ESCO1: variants seen among roughly 807,000 people sequenced by gnomAD.
ESCO1 encodes the protein N-acetyltransferase ESCO1.
ESCO1 carries 33 observed loss-of-function variants against 83.5 expected under a neutral mutation model. The observed-to-expected ratio is 0.40, with a 90% CI of 0.30 to 0.53. The LOEUF is 0.53. Ranked by LOEUF, ESCO1 falls within the 20% of genes least tolerant of loss-of-function variation. The probability of loss-of-function intolerance (pLI) is 0.63; values close to 1 mark genes in which losing one functional copy is unlikely to be tolerated. For synonymous variants in ESCO1, 332 were observed against 324.3 expected (o/e 1.02, Z -0.25); for missense variants, 855 against 968.0 (o/e 0.88, Z 1.55).
At chr18:21,597,934 T>C (rs1241314220) in intron 1 of ESCO1, among the ~76,000 whole-genome samples, 1 of 152,106 alleles carries the variant, frequency 6.6e-6, no homozygotes, top group Non-Finnish European at 1.5e-5. Context: ...CAAAAGTAAC[T>C]ACAGTATTAT....
chr18:21,562,014 G>A (rs1482052549), intron 7 of ESCO1, among the ~76,000 whole-genome samples: 2 of 151,906 alleles, frequency 1.3e-5, no homozygotes, highest in African/African-American at 4.8e-5. Flanking sequence ...GAGTAGACGG[G>A]ATTACAGGCA....
chr18:21,553,751 G>A (rs1213366548), intron 8 of ESCO1, among the ~76,000 whole-genome samples: 1 of 151,554 alleles, frequency 6.6e-6, no homozygotes, highest in Non-Finnish European at 1.5e-5. Flanking sequence ...CAGCTACTCG[G>A]GAGGCTGAGG....
intron 2 of ESCO1, among the ~76,000 whole-genome samples, chr18:21,577,563 G>A (rs1388849484): frequency 8.6e-5 from 13 of 151,290 alleles, no homozygotes; most frequent in African/African-American, 2.7e-4. Context: ...GGGAGGCTGA[G>A]GCAGGAGAAT....
Position 21,564,242 on chromosome 18 carries a change from T to A in ESCO1, c.1782A>T (p.Leu594=). 1 of 1,610,816 alleles carries A rather than the reference T, an allele frequency of 6.2e-7. No homozygotes were observed. The highest frequency in any genetic ancestry group is 8.5e-7 in the Non-Finnish European group (1 of 1,178,312). ...LEITIPKDLK[L]KEAEKTDEKQ... Reference sequence around the variant, plus strand: ...TTTCATCAGTTTTCTCTGCTTCTTTTAGTTTCAAGTCCTTTGGAATTGTTA... The same window carrying A: ...TTTCATCAGTTTTCTCTGCTTCTTTAAGTTTCAAGTCCTTTGGAATTGTTA... Residue 594 remains leucine (L), a synonymous_variant, in exon 7 of 12, where the codon CTA becomes CTT. Coordinates refer to ENST00000269214, the MANE Select transcript of ESCO1 (RefSeq NM_052911.3).
intron 2 of ESCO1, among the ~76,000 whole-genome samples, chr18:21,583,348 A>C (rs2146222483): frequency 6.6e-6 from 1 of 151,664 alleles, no homozygotes; most frequent in East Asian, 1.9e-4. Context: ...AAAAAAAAGA[A>C]AAAAAAAATT....
At position 21,537,374 on chromosome 18, in the gene ESCO1, A is replaced by T. The variant is rs534246978; in HGVS notation, c.2044-1189T>A. On this transcript the variant is annotated intron_variant, in intron 9 of 11. Coordinates refer to ENST00000269214, the MANE Select transcript of ESCO1 (RefSeq NM_052911.3). ...GCAACACAGCAGAACCCATCTTTAC[A>T]AAATTGTTTTATTAGCCAGATGTGG... 4.6e-5 allele frequency among the ~76,000 whole-genome samples: 7 copies of T among 152,284 alleles called. No individual in the cohort carries two copies. In the South Asian group the frequency reaches 1.4e-3, roughly 32 times the overall value.
Position 21,575,768 on chromosome 18 carries a change from C to G in ESCO1, c.-684G>C. 2.5e-6 allele frequency: 1 copy of G among 398,148 alleles called. No homozygotes were observed. The highest frequency in any genetic ancestry group is 2.1e-5 in the African/African-American group (1 of 48,708). The allele number at this position is 398,148 out of a possible 1,614,324, so 24.7% of individuals were successfully genotyped here. Reference sequence around the variant, plus strand: ...TCCTTCTAATATGCTCTTAACACATCACACAGCACCTGAAAGAAAAAGGGT... The same window carrying G: ...TCCTTCTAATATGCTCTTAACACATGACACAGCACCTGAAAGAAAAAGGGT... On this transcript the variant is annotated 5_prime_UTR_variant, in exon 3 of 12. Transcript: ENST00000269214.
chr18:21,544,217 T>G (rs1405344230), intron 8 of ESCO1, among the ~76,000 whole-genome samples: 1 of 151,792 alleles, frequency 6.6e-6, no homozygotes, highest in Non-Finnish European at 1.5e-5. Context: ...GAGGTTGCAG[T>G]GAGCCGAGAT....
intron 9 of ESCO1, among the ~76,000 whole-genome samples, chr18:21,536,687 G>A (rs1233945828): frequency 2.6e-5 from 4 of 152,048 alleles, no homozygotes; most frequent in Non-Finnish European, 5.9e-5. Flanking sequence ...AGGAAGAACT[G>A]GAGGGGGATG....
chr18:21,530,854 C>T (rs1364739330), intron 11 of ESCO1, among the ~76,000 whole-genome samples: 1 of 152,112 alleles, frequency 6.6e-6, no homozygotes, highest in Non-Finnish European at 1.5e-5. Context: ...GAAGACTACT[C>T]TCACCTCTTC....
intron 4 of ESCO1, among the ~76,000 whole-genome samples, chr18:21,570,042 CAGT>C (rs1349428673): frequency 6.6e-6 from 1 of 152,148 alleles, no homozygotes; most frequent in African/African-American, 2.4e-5. Context: ...CACTCTGTGA[CAGT>C]GGTCAAAATG....
At chr18:21,592,116 C>T (rs1353655758) in intron 1 of ESCO1, among the ~76,000 whole-genome samples, 1 of 149,942 alleles carries the variant, frequency 6.7e-6, no homozygotes, top group Non-Finnish European at 1.5e-5. Flanking sequence ...ATCTTTTCCC[C>T]ACCTTTCCCG....
chr18:21,593,448 G>C (rs1301169146), intron 1 of ESCO1: 2 of 153,324 alleles, frequency 1.3e-5, no homozygotes, highest in African/African-American at 2.4e-5. Flanking sequence ...AAACCAGTCA[G>C]GCGTGGCGGC....
chr18:21,533,655 T>C (rs2037796130), intron 10 of ESCO1, among the ~76,000 whole-genome samples: 1 of 152,184 alleles, frequency 6.6e-6, no homozygotes, highest in African/African-American at 2.4e-5. Flanking sequence ...TACATAGTTA[T>C]CCTTCTAGTC....
At chr18:21,566,077 G>A (rs1263175821) in intron 6 of ESCO1, 69 bp downstream of exon 6, 1 of 1,428,894 alleles carries the variant, frequency 7.0e-7, no homozygotes, top group African/African-American at 1.4e-5. Flanking sequence ...ACTTTTTAGG[G>A]AAGAATCCCC....
chr18:21,595,205 T>C (rs908356363), intron 1 of ESCO1, among the ~76,000 whole-genome samples: 7 of 151,942 alleles, frequency 4.6e-5, no homozygotes, highest in Admixed American at 1.3e-4. Flanking sequence ...ATAGGCATAT[T>C]CCCACCCTCA....
At chr18:21,576,317 G>A (rs2038418330) in intron 2 of ESCO1, among the ~76,000 whole-genome samples, 1 of 152,114 alleles carries the variant, frequency 6.6e-6, no homozygotes, top group Non-Finnish European at 1.5e-5. Flanking sequence ...CCAGCCTGGA[G>A]AATATAGCAA....
intron 6 of ESCO1, 54 bp from the exon 7 acceptor site, chr18:21,564,371 T>C: frequency 8.6e-7 from 1 of 1,161,168 alleles, no homozygotes; most frequent in Non-Finnish European, 1.2e-6. Flanking sequence ...TTCACATCAT[T>C]TGAAGGGGAA....
intron 6 of ESCO1, among the ~76,000 whole-genome samples, chr18:21,565,428 G>C (rs1336615715): frequency 6.6e-6 from 1 of 152,218 alleles, no homozygotes; most frequent in Non-Finnish European, 1.5e-5. Flanking sequence ...ACACTATTGA[G>C]ACAGGCCAAC....
Sources: allele counts gnomAD v4.1 joint callset (sites outside exome capture counted in the v4.1 genomes callset), GRCh38; gene constraint gnomAD v4.1.1; transcripts MANE v1.5; gene names NCBI Gene and HGNC (gene_info 2026-07-23, HGNC 2026-07-21).